The following RHOU variants were observed in gnomAD, a reference collection of about 807,000 sequenced individuals.
RHOU encodes ras homolog family member U.
RHOU carries 8 observed loss-of-function variants against 12.6 expected under a neutral mutation model. The observed-to-expected ratio is 0.64, with a 90% CI of 0.37 to 1.15. The LOEUF (loss-of-function observed/expected upper bound fraction) is 1.15, where lower values mean the gene tolerates loss of function less well. Ranked by LOEUF, RHOU falls within the 50% of genes most tolerant of loss-of-function variation. RHOU has a pLI of 0.01. For synonymous variants in RHOU, 161 were observed against 147.4 expected, an observed-to-expected ratio of 1.09 and a Z score of -0.67; for missense variants, 258 against 347.0, an observed-to-expected ratio of 0.74 and a Z score of 2.04.
At chr1:228,647,837 A>C in the RHOU span, 2 of 152,268 alleles carry the variant, frequency 1.3e-5, no homozygotes, top group African/African-American at 4.8e-5. Flanking sequence ...GTGTGAAAAG[A>C]GGGAGCAGAT....
the RHOU span, among the ~76,000 whole-genome samples, chr1:228,724,319 C>A: frequency 1.7e-3 from 260 of 152,084 alleles, 3 homozygotes; most frequent in South Asian, 3.5e-3. Flanking sequence ...TCTTGTGTTC[C>A]CCCCCAGATT....
the RHOU span, among the ~76,000 whole-genome samples, chr1:228,648,706 C>T: frequency 6.6e-6 from 1 of 152,092 alleles, no homozygotes; most frequent in Admixed American, 6.6e-5. Flanking sequence ...CATGCTTTTA[C>T]TTTTTCTTTT....
At chr1:228,726,496 C>A in the RHOU span, among the ~76,000 whole-genome samples, 1 of 152,086 alleles carries the variant, frequency 6.6e-6, no homozygotes, top group Non-Finnish European at 1.5e-5. Flanking sequence ...GAAACCCCGT[C>A]CGTACTAAAA....
At chr1:228,646,778 A>C in the RHOU span, among the ~76,000 whole-genome samples, 2 of 152,094 alleles carry the variant, frequency 1.3e-5, no homozygotes, top group East Asian at 3.9e-4. Flanking sequence ...CGGAACCCGC[A>C]CGCGAGCACG....
chr1:228,682,897 G>A, the RHOU span, among the ~76,000 whole-genome samples: 1 of 152,174 alleles, frequency 6.6e-6, no homozygotes, highest in Non-Finnish European at 1.5e-5. Flanking sequence ...CAGAGAGGTT[G>A]AGTCAGAGCA....
the RHOU span, among the ~76,000 whole-genome samples, chr1:228,691,085 ATT>A: frequency 2.2e-3 from 324 of 149,442 alleles, 2 homozygotes; most frequent in African/African-American, 6.5e-3. Flanking sequence ...TCAGCTTATA[ATT>A]TTTTTTTTTT....
At chr1:228,674,346 CTT>C in the RHOU span, among the ~76,000 whole-genome samples, 9 of 135,914 alleles carry the variant, frequency 6.6e-5, no homozygotes, top group Non-Finnish European at 1.1e-4. Flanking sequence ...TGTTTAGTAC[CTT>C]TTTTTTTTTT....
intron 1 of RHOU, among the ~76,000 whole-genome samples, chr1:228,736,656 C>T (rs1003898279): frequency 6.6e-6 from 1 of 152,172 alleles, no homozygotes; most frequent in African/African-American, 2.4e-5. Context: ...TTGTTGGTAT[C>T]TTTTCAGGAT....
chr1:228,651,179 C>CGAGAT, the RHOU span: 1 of 203,144 alleles, frequency 4.9e-6, no homozygotes, highest in Non-Finnish European at 1.1e-5. Context: ...TGAAATCCTC[C>CGAGAT]CTTCCACACC....
At chr1:228,730,360 C>G in the RHOU span, among the ~76,000 whole-genome samples, 2 of 152,102 alleles carry the variant, frequency 1.3e-5, no homozygotes, top group Admixed American at 1.3e-4. Context: ...ACTGCAGCCT[C>G]TTTGGGGCCC....
chr1:228,733,725 G>C (rs1282340399), upstream of RHOU, among the ~76,000 whole-genome samples: 1 of 152,188 alleles, frequency 6.6e-6, no homozygotes, highest in African/African-American at 2.4e-5. Flanking sequence ...AGACAGTTAA[G>C]GGCACCAATG....
intron 1 of RHOU, 83 bp downstream of exon 1, chr1:228,736,087 T>C: frequency 7.1e-7 from 1 of 1,401,386 alleles, no homozygotes; most frequent in Non-Finnish European, 9.5e-7. Flanking sequence ...GGTCGCGAGG[T>C]TCCCAAGGGG....
the RHOU span, chr1:228,650,490 C>G: frequency 2.2e-6 from 1 of 456,500 alleles, no homozygotes; most frequent in Non-Finnish European, 4.4e-6. Context: ...TCCTGGTGGC[C>G]GTGATGGTGC....
At chr1:228,646,829 G>T in the RHOU span, among the ~76,000 whole-genome samples, 7 of 151,854 alleles carry the variant, frequency 4.6e-5, no homozygotes, top group Non-Finnish European at 7.4e-5. Flanking sequence ...GTGAAACACA[G>T]ACACACACGG....
At chr1:228,720,294 ATACATAC>A in the RHOU span, among the ~76,000 whole-genome samples, 6 of 152,352 alleles carry the variant, frequency 3.9e-5, no homozygotes, top group South Asian at 1.2e-3. Flanking sequence ...TCCATACATA[ATACATAC>A]TATCATAGCA....
At chr1:228,704,442 A>AT in the RHOU span, among the ~76,000 whole-genome samples, 9 of 151,866 alleles carry the variant, frequency 5.9e-5, no homozygotes, top group Admixed American at 2.0e-4. Flanking sequence ...CAATTAGTCA[A>AT]TTTTTTTTAT....
At chr1:228,683,887 AG>A in the RHOU span, among the ~76,000 whole-genome samples, 1 of 152,232 alleles carries the variant, frequency 6.6e-6, no homozygotes, top group Non-Finnish European at 1.5e-5. Flanking sequence ...GAGAGGGGTC[AG>A]GGTAGGTGTG....
the RHOU span, among the ~76,000 whole-genome samples, chr1:228,693,039 G>A: frequency 6.6e-6 from 1 of 151,886 alleles, no homozygotes; most frequent in East Asian, 1.9e-4. Context: ...CATTAAGAAG[G>A]GTACAACAAG....
At chr1:228,716,366 C>T in the RHOU span, among the ~76,000 whole-genome samples, 6 of 152,178 alleles carry the variant, frequency 3.9e-5, no homozygotes, top group Non-Finnish European at 5.9e-5. Flanking sequence ...TTATCTTTCT[C>T]ATAATTAATA....
Sources: gnomAD v4.1 joint callset for allele counts (sites outside exome capture counted in the v4.1 genomes callset) on GRCh38, gnomAD v4.1.1 for gene constraint, MANE v1.5 for transcripts, NCBI Gene and HGNC (gene_info 2026-07-23, HGNC 2026-07-21) for gene names.